MAP2K5: variants seen among roughly 807,000 people sequenced by gnomAD.
The protein encoded by MAP2K5 is mitogen-activated protein kinase kinase 5, also known as dual specificity mitogen-activated protein kinase kinase 5.
Under a neutral mutation model 83.1 loss-of-function variants are expected in MAP2K5, and 49 were observed. The observed-to-expected ratio is 0.59, with a 90% confidence interval of 0.47 to 0.75. MAP2K5 has a LOEUF of 0.75. Among genes scored for constraint, MAP2K5 ranks in the 30% least tolerant of loss-of-function variants. The pLI is 0.00. For synonymous variants in MAP2K5, 202 were observed against 191.8 expected, an observed-to-expected ratio of 1.05 and a Z score of -0.44; for missense variants, 457 against 557.5, an observed-to-expected ratio of 0.82 and a Z score of 1.82.
chr15:67,589,256 C>T (rs114123910), intron 6 of MAP2K5, among the ~76,000 whole-genome samples: 105 of 148,920 alleles, frequency 7.1e-4, no homozygotes, highest in Non-Finnish European at 1.4e-3. Context: ...ACAATTTTTT[C>T]TTTTTTTTTT....
intron 2 of MAP2K5, among the ~76,000 whole-genome samples, chr15:67,558,731 C>T (rs2084677180): frequency 6.6e-6 from 1 of 152,222 alleles, no homozygotes; most frequent in African/African-American, 2.4e-5. Context: ...ATTCCTCTGA[C>T]CCAGGGCCTT....
intron 2 of MAP2K5, among the ~76,000 whole-genome samples, chr15:67,551,488 A>G (rs1340696482): frequency 6.6e-6 from 1 of 152,050 alleles, no homozygotes; most frequent in African/African-American, 2.4e-5. Context: ...ATGCACCACT[A>G]TGCTTGGCTA....
intron 3 of MAP2K5, among the ~76,000 whole-genome samples, chr15:67,575,311 C>A (rs2085030888): frequency 6.7e-6 from 1 of 149,838 alleles, no homozygotes; most frequent in African/African-American, 2.5e-5. Context: ...GGGTAATAAC[C>A]ACTTACAGGA....
At chr15:67,647,974 A>C (rs1166568412) in intron 11 of MAP2K5, among the ~76,000 whole-genome samples, 1 of 152,186 alleles carries the variant, frequency 6.6e-6, no homozygotes, top group Non-Finnish European at 1.5e-5. Context: ...CAGGAGATTA[A>C]GCCTGTAGTG....
chr15:67,602,906 C>T (rs1431127206), intron 8 of MAP2K5, among the ~76,000 whole-genome samples: 3 of 152,202 alleles, frequency 2.0e-5, no homozygotes, highest in Non-Finnish European at 4.4e-5. Context: ...CCTGCCTTGG[C>T]CTCCCAAAGT....
intron 16 of MAP2K5, among the ~76,000 whole-genome samples, chr15:67,723,861 G>A (rs1410480333): frequency 3.3e-5 from 5 of 151,870 alleles, no homozygotes; most frequent in Non-Finnish European, 5.9e-5. Flanking sequence ...TTGCTTTGTT[G>A]TGATTCTTTT....
rs1371295981 is a variant in MAP2K5 at position 67,786,721 on chromosome 15, A to G, written c.1242+13969A>G. On this transcript the variant is annotated intron_variant, in intron 21 of 21. Coordinates refer to ENST00000178640, the MANE Select transcript of MAP2K5 (RefSeq NM_145160.3). This position sits in a 1 kb window ranked among gnomAD's most constrained non-coding sequence, Gnocchi z 4.7. The stretch of plus-strand genomic sequence containing the variant: ...CTCTCCTAGCTGTCCATCCTGCAAC[A>G]TGTTACTGAACGCTCTCCACCTCTA... 6.6e-6 allele frequency among the ~76,000 whole-genome samples: 1 copy of G among 152,218 alleles called. No homozygotes were observed. The highest frequency in any genetic ancestry group is 1.5e-5 in the Non-Finnish European group (1 of 68,034).
At chr15:67,751,879 T>C (rs554653792) in intron 19 of MAP2K5, among the ~76,000 whole-genome samples, 1 of 152,142 alleles carries the variant, frequency 6.6e-6, no homozygotes, top group African/African-American at 2.4e-5. Flanking sequence ...CCTCTTGAAG[T>C]GTATAGAGCC....
Position 67,779,823 on chromosome 15 carries a change from G to A in MAP2K5, c.1242+7071G>A, listed in dbSNP as rs776658271. Among the ~76,000 whole-genome samples the A allele has an allele frequency of 6.6e-6, 1 of 152,226 alleles. No individual in the cohort carries two copies. Among genetic ancestry groups the A allele is most frequent in the Admixed American group, 6.5e-5 (1 of 15,282 alleles). On this transcript the variant is annotated intron_variant, in intron 21 of 21. Coordinates refer to ENST00000178640, the MANE Select transcript of MAP2K5 (RefSeq NM_145160.3). The surrounding 1 kb of genome is among the most constrained non-coding windows in gnomAD (Gnocchi z 4.6). ...GTTTGGTTATCTTGGATGCAGTAAA[G>A]TGGATCAGTTGGGCTGCTCTTCAGT...
At chr15:67,771,120 AACACATGGTAATGTGTACCATGTGTTTT>A (rs57261610) in intron 20 of MAP2K5, among the ~76,000 whole-genome samples, 2,754 of 142,934 alleles carry the variant, frequency 0.019, 103 homozygotes, top group African/African-American at 0.065. Context: ...GAATTCTTAA[AACACATGGTAATGTGTACCATGTGTTTT>A]ACACATGGTA....
At chr15:67,728,232 G>T (rs1454963308) in intron 17 of MAP2K5, among the ~76,000 whole-genome samples, 1 of 152,072 alleles carries the variant, frequency 6.6e-6, no homozygotes, top group African/African-American at 2.4e-5. Context: ...TCATTTTGAG[G>T]TTGGAGGAGA....
chr15:67,567,216 C>T (rs1042643519), intron 3 of MAP2K5, among the ~76,000 whole-genome samples: 4 of 152,186 alleles, frequency 2.6e-5, no homozygotes, highest in Non-Finnish European at 5.9e-5. Flanking sequence ...AGCTGCTCTG[C>T]ATTTTGTTAT....
chr15:67,639,551 C>A (rs911619584), intron 9 of MAP2K5, among the ~76,000 whole-genome samples: 8 of 152,186 alleles, frequency 5.3e-5, no homozygotes, highest in African/African-American at 1.9e-4. Flanking sequence ...CGGTGACCCC[C>A]CTGCCGGCGC....
intron 11 of MAP2K5, 87 bp downstream of exon 11, chr15:67,646,556 G>T: frequency 1.6e-6 from 1 of 637,626 alleles, no homozygotes; most frequent in Non-Finnish European, 2.6e-6. Context: ...ATATCAAATA[G>T]AATTAAAGAT....
chr15:67,692,650 CA>C, intron 14 of MAP2K5, 98 bp downstream of exon 14: 1 of 845,414 alleles, frequency 1.2e-6, no homozygotes, highest in Non-Finnish European at 1.9e-6. Context: ...AGCTGCCAGA[CA>C]AACAGAAACT....
Position 67,543,558 on chromosome 15 carries a change from A to G in MAP2K5, c.135+88A>G, listed in dbSNP as rs2084337934. ...ACCTTGACCACTGGTGACCTGAGCC[A>G]GTGGCAATGGCTACTGCTGGCTTCC... On this transcript the variant is annotated intron_variant, in intron 1 of 21. Coordinates refer to ENST00000178640, the MANE Select transcript of MAP2K5 (RefSeq NM_145160.3). The surrounding 1 kb of genome is among the most constrained non-coding windows in gnomAD (Gnocchi z 4.3). The G allele has an allele frequency of 6.7e-7, 1 of 1,499,728 alleles. No homozygotes were observed. The allele number at this position is 1,499,728 out of a possible 1,614,324, so 92.9% of individuals were successfully genotyped here. A position where few individuals can be genotyped will look rare whatever the true frequency, so the allele number is the denominator to read the frequency against.
At chr15:67,723,347 A>T (rs1012451441) in intron 16 of MAP2K5, among the ~76,000 whole-genome samples, 1 of 152,212 alleles carries the variant, frequency 6.6e-6, no homozygotes, top group African/African-American at 2.4e-5. Context: ...CTGCTAACTG[A>T]AGAGCATTTT....
At chr15:67,776,712 T>C (rs1475340092) in intron 21 of MAP2K5, among the ~76,000 whole-genome samples, 1 of 152,210 alleles carries the variant, frequency 6.6e-6, no homozygotes, top group East Asian at 1.9e-4. Flanking sequence ...ATGTGAGATA[T>C]TACTGTATAG....
chr15:67,747,845 A>T lies in MAP2K5; in HGVS notation c.1075-386A>T, dbSNP rs1030280895. On this transcript the variant is annotated intron_variant, in intron 17 of 21. Coordinates refer to ENST00000178640, the MANE Select transcript of MAP2K5 (RefSeq NM_145160.3). This position sits in a 1 kb window ranked among gnomAD's most constrained non-coding sequence, Gnocchi z 4.1. ...CTATGATTTAATTTCAATTTTAAATAAATCGGTTTTTAATTTAAAAAGAGT... is the reference window on the plus strand; with the variant it reads ...CTATGATTTAATTTCAATTTTAAATTAATCGGTTTTTAATTTAAAAAGAGT... Among the ~76,000 whole-genome samples the T allele has an allele frequency of 4.6e-5, 7 of 152,258 alleles. No homozygotes were observed. Among genetic ancestry groups the T allele is most frequent in the African/African-American group, 1.7e-4 (7 of 41,472 alleles).
Sources: allele counts gnomAD v4.1 joint callset (sites outside exome capture counted in the v4.1 genomes callset), GRCh38; gene constraint gnomAD v4.1.1; non-coding constraint Gnocchi (gnomAD v3.1); transcripts MANE v1.5; gene names NCBI Gene and HGNC (gene_info 2026-07-23, HGNC 2026-07-21).